Variants in TXNRD1 observed in about 807,000 individuals in gnomAD.
TXNRD1 encodes thioredoxin reductase 1, cytoplasmic.
A neutral mutation model predicts 80.3 loss-of-function variants in TXNRD1; 57 were observed. That is an observed-to-expected ratio of 0.71 (90% CI 0.57 to 0.89). The LOEUF (loss-of-function observed/expected upper bound fraction) is 0.89. Among genes scored for constraint, TXNRD1 ranks in the 40% least tolerant of loss-of-function variants. TXNRD1 has a pLI of 0.00. For synonymous variants in TXNRD1, 291 were observed against 285.2 expected (o/e 1.02, Z -0.20); for missense variants, 730 against 803.0 (o/e 0.91, Z 1.10).
chr12:104,295,499 A>G (rs572280108), intron 4 of TXNRD1, among the ~76,000 whole-genome samples: 23 of 152,270 alleles, frequency 1.5e-4, no homozygotes, highest in Non-Finnish European at 2.9e-4. Context: ...TTAGCTTGGT[A>G]TTCAATGCCC....
chr12:104,341,948 G>C (rs184353098), intron 16 of TXNRD1, among the ~76,000 whole-genome samples: 4 of 152,164 alleles, frequency 2.6e-5, no homozygotes. Flanking sequence ...TATAAAGGTT[G>C]CAACTCAGGA....
intron 3 of TXNRD1, among the ~76,000 whole-genome samples, chr12:104,273,581 A>G (rs1191343961): frequency 1.3e-5 from 2 of 152,170 alleles, no homozygotes; most frequent in Non-Finnish European, 2.9e-5. Context: ...CAACAGAGTG[A>G]GAATCCATCT....
At chr12:104,334,559 C>T (rs753037003) in intron 15 of TXNRD1, among the ~76,000 whole-genome samples, 5 of 152,002 alleles carry the variant, frequency 3.3e-5, no homozygotes, top group African/African-American at 9.7e-5. Flanking sequence ...TTTTTGTAGA[C>T]GGGGGTTTCA....
chr12:104,293,148 G>A (rs2034288172), intron 4 of TXNRD1, among the ~76,000 whole-genome samples: 1 of 152,146 alleles, frequency 6.6e-6, no homozygotes, highest in Non-Finnish European at 1.5e-5. Flanking sequence ...ATCTCCCTCA[G>A]GATTCCAGGG....
rs184551682 is a variant in TXNRD1, at chr12:104,233,694, G to A, written c.91+17801G>A. 1.4e-3 allele frequency among the ~76,000 whole-genome samples: 207 copies of A among 152,098 alleles called. 2 individuals are homozygous for A. The highest frequency in any genetic ancestry group is 4.9e-3 in the African/African-American group (203 of 41,508). On this transcript the variant is annotated intron_variant, in intron 1 of 16. Transcript: ENST00000525566. ...CAGCCACTACGCCTGGCTAATTTTC[G>A]TATTTTTAGTAGAGATGGGGTTTCA...
intron 4 of TXNRD1, among the ~76,000 whole-genome samples, chr12:104,307,602 G>A (rs768264212): frequency 2.0e-5 from 3 of 152,220 alleles, no homozygotes; most frequent in East Asian, 1.9e-4. Flanking sequence ...GTATTTTAAC[G>A]CAGGTTATTT....
At chr12:104,294,360 T>C (rs186610167) in intron 4 of TXNRD1, among the ~76,000 whole-genome samples, 1,752 of 151,856 alleles carry the variant, frequency 0.012, 39 homozygotes, top group African/African-American at 0.04. Context: ...GCATCACCGC[T>C]AGACCAAGGA....
intron 10 of TXNRD1, 114 bp from the exon 11 acceptor site, chr12:104,325,223 T>C: frequency 1.3e-6 from 1 of 773,710 alleles, no homozygotes; most frequent in Non-Finnish European, 2.2e-6. Context: ...CATAAAAGAC[T>C]TTTCAAGCAC....
chr12:104,334,367 A>G, intron 15 of TXNRD1, 35 bp downstream of exon 15: 1 of 1,292,676 alleles, frequency 7.7e-7, no homozygotes, highest in Non-Finnish European at 1.0e-6. Context: ...CAGTAATTTT[A>G]TTTAGTTGTT....
intron 16 of TXNRD1, among the ~76,000 whole-genome samples, chr12:104,345,041 C>T (rs548790168): frequency 1.3e-5 from 2 of 152,206 alleles, no homozygotes; most frequent in South Asian, 2.1e-4. Flanking sequence ...GTGGGGAATG[C>T]GGTTCAGAAG....
intron 1 of TXNRD1, among the ~76,000 whole-genome samples, chr12:104,247,636 A>AT (rs991874375): frequency 1.3e-5 from 2 of 151,906 alleles, no homozygotes; most frequent in Non-Finnish European, 2.9e-5. Flanking sequence ...CTATTTGTAC[A>AT]TTTTTTTGTT....
At chr12:104,301,552 C>T (rs1373564422) in intron 4 of TXNRD1, among the ~76,000 whole-genome samples, 3 of 151,898 alleles carry the variant, frequency 2.0e-5, no homozygotes, top group African/African-American at 4.8e-5. Flanking sequence ...TTAGCCAGGA[C>T]GGTCTTGATC....
chr12:104,334,918 A>G (rs924732825), intron 15 of TXNRD1, among the ~76,000 whole-genome samples: 6 of 152,214 alleles, frequency 3.9e-5, no homozygotes, highest in Non-Finnish European at 8.8e-5. Flanking sequence ...TAGAAGAGGA[A>G]CAATAAAGTC....
intron 3 of TXNRD1, chr12:104,286,612 G>A (rs2135739997): frequency 1.8e-6 from 1 of 562,166 alleles, no homozygotes; most frequent in South Asian, 7.9e-5. Flanking sequence ...TAAACGCAGA[G>A]GCCCAGGTCA....
At chr12:104,227,905 C>T (rs2032509924) in intron 1 of TXNRD1, among the ~76,000 whole-genome samples, 1 of 152,030 alleles carries the variant, frequency 6.6e-6, no homozygotes, top group Admixed American at 6.6e-5. Flanking sequence ...TACAAGTGTA[C>T]CATAATTTTT....
chr12:104,318,538 T>G (rs1288887687), intron 7 of TXNRD1, among the ~76,000 whole-genome samples: 3 of 152,258 alleles, frequency 2.0e-5, no homozygotes, highest in African/African-American at 7.2e-5. Context: ...ACACTGTTAC[T>G]AGTGTAGTAA....
At chr12:104,293,905 G>A (rs1275398127) in intron 4 of TXNRD1, among the ~76,000 whole-genome samples, 3 of 152,310 alleles carry the variant, frequency 2.0e-5, no homozygotes, top group South Asian at 2.1e-4. Context: ...GTAAGGTCAC[G>A]TGGGTCATGT....
intron 4 of TXNRD1, among the ~76,000 whole-genome samples, chr12:104,296,698 G>C (rs1310201187): frequency 6.6e-6 from 1 of 152,218 alleles, no homozygotes; most frequent in Non-Finnish European, 1.5e-5. Context: ...GGTAGGGCCA[G>C]AAGAGACTCA....
chr12:104,225,130 C>A (rs1030289548), intron 1 of TXNRD1, among the ~76,000 whole-genome samples: 5 of 152,102 alleles, frequency 3.3e-5, no homozygotes, highest in African/African-American at 1.2e-4. Context: ...TAAATATGCC[C>A]ATATGGAGTT....
Sources: gnomAD v4.1 joint callset for allele counts (sites outside exome capture counted in the v4.1 genomes callset) on GRCh38, gnomAD v4.1.1 for gene constraint, MANE v1.5 for transcripts, NCBI Gene and HGNC (gene_info 2026-07-23, HGNC 2026-07-21) for gene names.